Variants in RASAL1 observed in about 807,000 individuals in gnomAD.
RASAL1 encodes RAS protein activator like 1.
RASAL1 carries 72 observed loss-of-function variants against 96.6 expected under a neutral mutation model. That is an observed-to-expected ratio of 0.75 (90% CI 0.62 to 0.91). The LOEUF is 0.91. Ranked by LOEUF, RASAL1 falls within the 40% of genes least tolerant of loss-of-function variation. The probability of loss-of-function intolerance (pLI) is 0.00; values close to 1 mark genes in which losing one functional copy is unlikely to be tolerated. For missense variants in RASAL1, 1,016 were observed against 1,072.5 expected (o/e 0.95, Z 0.74); for synonymous variants, 405 against 430.4 (o/e 0.94, Z 0.73).
At position 113,129,771 on chromosome 12, in the gene RASAL1, AC is replaced by A. The variant is rs1951633309; in HGVS notation, c.122+1113del. Among the ~76,000 whole-genome samples the A allele has an allele frequency of 2.0e-5, 3 of 152,182 alleles. No individual in the cohort carries two copies. The South Asian group carries it at 6.2e-4, about 32-fold the overall frequency. ...TTCTTCCTCCAGCCCAGCGGCACCA[AC>A]CTCAGATGGACCCCCAGTGCTTCCT... is the stretch of plus-strand genomic sequence containing the variant. On this transcript the variant is annotated intron_variant, in intron 2 of 20. Transcript: ENST00000548055. The surrounding 1 kb of genome is among the most constrained non-coding windows in gnomAD (Gnocchi z 5.0).
intron 1 of RASAL1, 97 bp from the exon 2 acceptor site, chr12:113,131,038 G>T: frequency 1.1e-6 from 1 of 876,334 alleles, no homozygotes; most frequent in Non-Finnish European, 1.8e-6. Context: ...CGGAGGCACA[G>T]ACAGAGAAGG....
At position 113,115,819 on chromosome 12, in the gene RASAL1, C is replaced by A; in HGVS notation, c.850-31G>T. ...TGGGGGCGGGAGACAAAGATGACCT[C>A]GGCCCCTGGGACCCCAAAGCAGATG... is the stretch of plus-strand genomic sequence containing the variant. On this transcript the variant is annotated intron_variant, in intron 9 of 20. Coordinates refer to ENST00000548055, the MANE Select transcript of RASAL1 (RefSeq NM_001301202.2). This position sits in a 1 kb window ranked among gnomAD's most constrained non-coding sequence, Gnocchi z 4.1. The A allele has an allele frequency of 6.2e-7, 1 of 1,612,508 alleles. No homozygotes were observed. Among genetic ancestry groups the A allele is most frequent in the Non-Finnish European group, 8.5e-7 (1 of 1,179,076 alleles).
In RASAL1 at chr12:113,099,803, G is replaced by T. The variant is rs533392480; in HGVS notation, c.*126C>A. ...ACTCAAGGCACACAGGACTAGGCAC[G>T]TCTCTGGGAGCCTCCAAACCACAGA... On this transcript the variant is annotated 3_prime_UTR_variant, in exon 21 of 21. Transcript: ENST00000548055. The T allele has an allele frequency of 3.6e-6, 5 of 1,373,784 alleles. No individual in the cohort carries two copies. The African/African-American group carries it at 4.4e-5, about 12-fold the overall frequency. 85.1% of individuals were successfully genotyped at this position (1,373,784 alleles called of 1,614,324 possible).
chr12:113,113,395 A>G (rs964736777), intron 12 of RASAL1, among the ~76,000 whole-genome samples: 1 of 151,872 alleles, frequency 6.6e-6, no homozygotes, highest in African/African-American at 2.4e-5. Context: ...AGGACTGCCA[A>G]CTCCACAGCC....
rs931871155 is a variant in RASAL1, at chr12:113,129,036, C to G, written c.123-858G>C. Reference sequence around the variant, plus strand: ...TCATTCATTTGTTCATTCGTTTACTCCATAAACATTCACTTGGACTATGGG... The same window carrying G: ...TCATTCATTTGTTCATTCGTTTACTGCATAAACATTCACTTGGACTATGGG... On this transcript the variant is annotated intron_variant, in intron 2 of 20. Coordinates refer to ENST00000548055, the MANE Select transcript of RASAL1 (RefSeq NM_001301202.2). The surrounding 1 kb of genome is among the most constrained non-coding windows in gnomAD (Gnocchi z 5.0). Among the ~76,000 whole-genome samples, 4 of 151,998 alleles carry G rather than the reference C, an allele frequency of 2.6e-5. No individual in the cohort carries two copies. The highest frequency in any genetic ancestry group is 5.9e-5 in the Non-Finnish European group (4 of 67,990).
chr12:113,104,158 C>T lies in RASAL1; in HGVS notation c.1968+3G>A. 1.2e-6 allele frequency: 2 copies of T among 1,606,732 alleles called. No individual in the cohort carries two copies. The highest frequency in any genetic ancestry group is 1.7e-6 in the Non-Finnish European group (2 of 1,174,790). Reference sequence around the variant, plus strand: ...CCCGCTCCCCATCGCGGTGGGGTCTCACCTTGCACTGGAGGTAGGTGGTGT... The same window carrying T: ...CCCGCTCCCCATCGCGGTGGGGTCTTACCTTGCACTGGAGGTAGGTGGTGT... On this transcript the variant is annotated splice_donor_region_variant and intron_variant, in intron 17 of 20. Coordinates refer to ENST00000548055, the MANE Select transcript of RASAL1 (RefSeq NM_001301202.2).
chr12:113,117,574 C>T (rs1313649382), intron 7 of RASAL1, among the ~76,000 whole-genome samples: 3 of 152,180 alleles, frequency 2.0e-5, no homozygotes, highest in Non-Finnish European at 4.4e-5. Flanking sequence ...TTTATAGAGA[C>T]GTAATTCACA....
Position 113,121,541 on chromosome 12 carries a change from G to A in RASAL1, c.396C>T (p.Gly132=). ...GAAGCACATGGCAGCGAAGGCAGCG[G>A]CCCTGCCCATCCTCCAGCATCTGCA... ...LSVQMLEDGQ[G]RCLRCHVLQA... Residue 132 remains glycine (G), a synonymous_variant, in exon 5 of 21, where the codon GGC becomes GGT. Coordinates refer to ENST00000548055, the MANE Select transcript of RASAL1 (RefSeq NM_001301202.2). 6.2e-7 allele frequency: 1 copy of A among 1,614,124 alleles called. No individual in the cohort carries two copies. Among genetic ancestry groups the A allele is most frequent in the Non-Finnish European group, 8.5e-7 (1 of 1,180,028 alleles).
rs189511047 is a variant in RASAL1, at chr12:113,101,826, C to T, written c.2225+63G>A. 5.9e-5 allele frequency: 92 copies of T among 1,571,800 alleles called. No individual in the cohort carries two copies. The East Asian group carries it at 2.0e-3, about 34-fold the overall frequency. On this transcript the variant is annotated intron_variant, in intron 19 of 20. Transcript: ENST00000548055. ...GAATGAATAAATGGACACAGCAAGG[C>T]CACGGTGGGGGGCTGGCCTGGCTGG... is the stretch of plus-strand genomic sequence containing the variant.
rs1312669002 is a variant in RASAL1 at position 113,107,186 on chromosome 12, C to T, written c.1568G>A (p.Trp523Ter). 6.2e-7 allele frequency: 1 copy of T among 1,613,622 alleles called. No homozygotes were observed. The highest frequency in any genetic ancestry group is 8.5e-7 in the Non-Finnish European group (1 of 1,179,780). Residue 523 changes from tryptophan (W) to a stop codon, truncating the protein, a stop_gained, in exon 15 of 21, where the codon TGG becomes TAG. Coordinates refer to ENST00000548055, the MANE Select transcript of RASAL1 (RefSeq NM_001301202.2). LOFTEE classifies it high-confidence loss of function. ...GQQLGQGKEL[W>*]MAPLHPFLLQ... ...CAGGAAGGGGTGCAGGGGGGCCATC[C>T]ACAGTTCCTTGCCTTGGCCCAGCTG...
chr12:113,117,182 A>T, intron 7 of RASAL1, 21 bp from the exon 8 acceptor site: 4 of 1,548,034 alleles, frequency 2.6e-6, no homozygotes, highest in Non-Finnish European at 3.5e-6. Flanking sequence ...AGACACACAG[A>T]CCCTCAGCCG....
In RASAL1 at chr12:113,135,293, C is replaced by T. The variant is rs1340699497; in HGVS notation, c.65+105G>A. On this transcript the variant is annotated intron_variant, in intron 1 of 20. Coordinates refer to ENST00000548055, the MANE Select transcript of RASAL1 (RefSeq NM_001301202.2). The surrounding 1 kb of genome is among the most constrained non-coding windows in gnomAD (Gnocchi z 5.7). Reference sequence around the variant, plus strand: ...CCCCAAGACCAGTCTTGGACAAGAACCCCTCGCCCTCCTGCCAACCCGCCC... The same window carrying T: ...CCCCAAGACCAGTCTTGGACAAGAATCCCTCGCCCTCCTGCCAACCCGCCC... 8 of 1,067,108 alleles carry T rather than the reference C, an allele frequency of 7.5e-6. No homozygotes were observed. In the Admixed American group the frequency reaches 1.5e-4, roughly 20 times the overall value. The allele number at this position is 1,067,108 out of a possible 1,614,324, so 66.1% of individuals were successfully genotyped here.
chr12:113,099,883 G>GC lies in RASAL1; in HGVS notation c.*45dup. 1.9e-6 allele frequency: 3 copies of GC among 1,577,832 alleles called. No individual in the cohort carries two copies. Among genetic ancestry groups the GC allele is most frequent in the Non-Finnish European group, 2.6e-6 (3 of 1,158,012 alleles). ...CCCGGGGCAGGATGCGCTGAAGAGG[G>GC]CCCCCTGGCTCTTGCTCCTCCTTCC... On this transcript the variant is annotated 3_prime_UTR_variant, in exon 21 of 21. Coordinates refer to ENST00000548055, the MANE Select transcript of RASAL1 (RefSeq NM_001301202.2).
rs958172504 is a variant in RASAL1, at chr12:113,115,326, C to T, written c.1004-62G>A. 2 of 1,444,122 alleles carry T rather than the reference C, an allele frequency of 1.4e-6. No individual in the cohort carries two copies. Among genetic ancestry groups the T allele is most frequent in the South Asian group, 2.3e-5 (2 of 87,496 alleles). 89.5% of individuals were successfully genotyped at this position (1,444,122 alleles called of 1,614,324 possible). On this transcript the variant is annotated intron_variant, in intron 10 of 20. Coordinates refer to ENST00000548055, the MANE Select transcript of RASAL1 (RefSeq NM_001301202.2). The surrounding 1 kb of genome is among the most constrained non-coding windows in gnomAD (Gnocchi z 4.1). ...GGAGCTGAACCCAGCTCACCCCACT[C>T]ACCCAAGGTGGGAGTCATGATTCTT...
chr12:113,107,185 C>CCA lies in RASAL1; in HGVS notation c.1567_1568dup (p.Trp523CysfsTer17), dbSNP rs1430631761. The CCA allele has an allele frequency of 6.2e-7, 1 of 1,613,790 alleles. No homozygotes were observed. The highest frequency in any genetic ancestry group is 2.2e-5 in the East Asian group (1 of 44,870). On this transcript the variant is annotated frameshift_variant, in exon 15 of 21. Coordinates refer to ENST00000548055, the MANE Select transcript of RASAL1 (RefSeq NM_001301202.2). LOFTEE classifies it high-confidence loss of function. ...GCAGGAAGGGGTGCAGGGGGGCCAT[C>CCA]CACAGTTCCTTGCCTTGGCCCAGCT...
intron 8 of RASAL1, 49 bp from the exon 9 acceptor site, chr12:113,116,100 TG>T: frequency 1.4e-6 from 2 of 1,474,146 alleles, no homozygotes; most frequent in South Asian, 2.7e-5. Flanking sequence ...CCGAACACGA[TG>T]GCTCACGCCT....
In RASAL1 at chr12:113,127,803, C is replaced by T. The variant is rs1592955676; in HGVS notation, c.298+9G>A. The T allele has an allele frequency of 6.2e-7, 1 of 1,608,974 alleles. No homozygotes were observed. The highest frequency in any genetic ancestry group is 2.2e-5 in the East Asian group (1 of 44,726). The stretch of plus-strand genomic sequence containing the variant: ...CCCCCTCCTCCCTCTGCCCATGTCC[C>T]TCGCCCACCTCGGGGGTCGGCTGTA... On this transcript the variant is annotated intron_variant, in intron 4 of 20. Transcript: ENST00000548055.
rs201119080 is a variant in RASAL1 at position 113,115,819 on chromosome 12, C to T, written c.850-31G>A. 5,343 of 1,612,504 alleles carry T rather than the reference C, an allele frequency of 3.3e-3. 17 individuals carry two copies. The highest frequency in any genetic ancestry group is 4.3e-3 in the Middle Eastern group (26 of 6,040). ...TGGGGGCGGGAGACAAAGATGACCTCGGCCCCTGGGACCCCAAAGCAGATG... is the reference window on the plus strand; with the variant it reads ...TGGGGGCGGGAGACAAAGATGACCTTGGCCCCTGGGACCCCAAAGCAGATG... On this transcript the variant is annotated intron_variant, in intron 9 of 20. Transcript: ENST00000548055. This position sits in a 1 kb window ranked among gnomAD's most constrained non-coding sequence, Gnocchi z 4.1.
chr12:113,120,535 A>G (rs945019567), intron 5 of RASAL1, among the ~76,000 whole-genome samples: 4 of 152,288 alleles, frequency 2.6e-5, no homozygotes, highest in African/African-American at 7.2e-5. Context: ...GTCCTCCCCA[A>G]TCTGGGCAGG....
Sources: gnomAD v4.1 joint callset for allele counts (sites outside exome capture counted in the v4.1 genomes callset) on GRCh38, gnomAD v4.1.1 for gene constraint, Gnocchi (gnomAD v3.1) non-coding constraint, MANE v1.5 for transcripts, NCBI Gene and HGNC (gene_info 2026-07-23, HGNC 2026-07-21) for gene names.